RPRD2: variants seen among roughly 807,000 people sequenced by gnomAD.
The protein encoded by RPRD2 is regulation of nuclear pre-mRNA domain containing 2, also known as regulation of nuclear pre-mRNA domain-containing protein 2.
In RPRD2, 12 loss-of-function variants were observed where a neutral mutation model predicts 104.4. The observed-to-expected ratio is 0.11, with a 90% CI of 0.07 to 0.19. RPRD2 has a LOEUF of 0.19. RPRD2 is among the 10% of genes least tolerant of loss of function. The pLI is 1.00. For synonymous variants in RPRD2, 714 were observed against 684.9 expected, an observed-to-expected ratio of 1.04 and a Z score of -0.66; for missense variants, 1,543 against 1,790.1, an observed-to-expected ratio of 0.86 and a Z score of 2.49.
chr1:150,380,419 G>A (rs1376391590), intron 1 of RPRD2, among the ~76,000 whole-genome samples: 1 of 151,522 alleles, frequency 6.6e-6, no homozygotes, highest in Non-Finnish European at 1.5e-5. Flanking sequence ...TTTCCTCCTG[G>A]GTTCAAGCGA....
intron 7 of RPRD2, among the ~76,000 whole-genome samples, chr1:150,446,826 C>T (rs1467889122): frequency 2.2e-5 from 3 of 138,214 alleles, no homozygotes; most frequent in Non-Finnish European, 3.1e-5. Flanking sequence ...TAGAATAAGA[C>T]CTGGGTCTTT....
chr1:150,469,712 AGCCT>A (rs1668488701), intron 10 of RPRD2, among the ~76,000 whole-genome samples: 1 of 152,178 alleles, frequency 6.6e-6, no homozygotes, highest in South Asian at 2.1e-4. Context: ...GTTGAACTTC[AGCCT>A]TTGCCCCAAA....
At chr1:150,382,569 T>G (rs1661217428) in intron 1 of RPRD2, among the ~76,000 whole-genome samples, 1 of 152,116 alleles carries the variant, frequency 6.6e-6, no homozygotes, top group Non-Finnish European at 1.5e-5. Context: ...ATGTTGGCCA[T>G]GTTGGTCTTG....
chr1:150,432,378 C>T (rs956014780), intron 2 of RPRD2, among the ~76,000 whole-genome samples: 2 of 151,870 alleles, frequency 1.3e-5, no homozygotes, highest in African/African-American at 4.8e-5. Context: ...GTTATTGGTA[C>T]AGAGTACTGT....
At chr1:150,430,567 G>A (rs1178263220) in intron 2 of RPRD2, among the ~76,000 whole-genome samples, 1 of 152,194 alleles carries the variant, frequency 6.6e-6, no homozygotes, top group Non-Finnish European at 1.5e-5. Flanking sequence ...TCAGGAGGCT[G>A]AGGCGGGAGG....
intron 1 of RPRD2, among the ~76,000 whole-genome samples, chr1:150,415,345 ATAAT>A (rs1553888373): frequency 2.0e-5 from 3 of 151,450 alleles, no homozygotes; most frequent in Admixed American, 6.6e-5. Flanking sequence ...AATAATAATA[ATAAT>A]TAATAAGTAA....
At chr1:150,424,823 A>G (rs1665005700) in intron 2 of RPRD2, among the ~76,000 whole-genome samples, 2 of 152,100 alleles carry the variant, frequency 1.3e-5, no homozygotes, top group South Asian at 4.2e-4. Flanking sequence ...TTTCTTAGTC[A>G]TTTACCAGGG....
rs375366241 is a variant in RPRD2 at position 150,471,287 on chromosome 1, G to A, written c.2339G>A (p.Arg780Gln). ...PPPGRDESYP[R>Q]ELSNSVSTYR... is the part of the protein sequence containing the mutation. ...CCTGGGAGAGATGAAAGCTACCCCC[G>A]AGAGCTCTCCAATTCTGTATCTACA... Residue 780 changes from arginine (R) to glutamine (Q), a missense_variant, in exon 11 of 11, where the codon CGA (arginine) becomes CAA (glutamine). By Grantham distance (43) the Arg-to-Gln change is conservative (BLOSUM62 1). Around this residue, in one of 4 missense-constraint regions of RPRD2, gnomAD observed 880 missense variants for 885.6 expected, o/e 0.99. Transcript: ENST00000369068. The surrounding 1 kb of genome is among the most constrained non-coding windows in gnomAD (Gnocchi z 5.3). 178 of 1,613,572 alleles carry A rather than the reference G, an allele frequency of 1.1e-4. No individual in the cohort carries two copies. Among genetic ancestry groups the A allele is most frequent in the Non-Finnish European group, 1.4e-4 (167 of 1,179,848 alleles).
chr1:150,473,248 C>A lies in RPRD2; in HGVS notation c.4300C>A (p.His1434Asn), dbSNP rs755664607. ...ACCTTTTCTCAGCAGAGACCCATTTCACAGTTTAAAGAGACCCAGGCCACC... is the reference window on the plus strand; with the variant it reads ...ACCTTTTCTCAGCAGAGACCCATTTAACAGTTTAAAGAGACCCAGGCCACC... The part of the protein sequence containing the change: ...REPFLSRDPF[H>N]SLKRPRPPFA... The change falls in exon 11 of 11, where the codon CAC becomes AAC. Residue 1434 changes from histidine to asparagine, a missense_variant. His to Asn is a moderately conservative substitution (Grantham distance 68). Around this residue, in one of 4 missense-constraint regions of RPRD2, gnomAD observed 880 missense variants for 885.6 expected, o/e 0.99. Transcript: ENST00000369068. 5.6e-6 allele frequency: 9 copies of A among 1,613,840 alleles called. No individual in the cohort carries two copies. The highest frequency in any genetic ancestry group is 1.6e-4 in the Middle Eastern group (1 of 6,076).
intron 1 of RPRD2, among the ~76,000 whole-genome samples, chr1:150,376,731 A>G (rs1401734087): frequency 1.3e-5 from 2 of 150,516 alleles, no homozygotes; most frequent in Non-Finnish European, 1.5e-5. Context: ...CGATCTCCTG[A>G]CCTCGTGATC....
chr1:150,393,518 G>GTA (rs1466629680), intron 1 of RPRD2, among the ~76,000 whole-genome samples: 1 of 149,854 alleles, frequency 6.7e-6, no homozygotes, highest in Admixed American at 6.7e-5. Flanking sequence ...TTGAGGAGCA[G>GTA]TATATAGTAT....
At chr1:150,421,599 G>A (rs984305657) in intron 2 of RPRD2, among the ~76,000 whole-genome samples, 1 of 152,078 alleles carries the variant, frequency 6.6e-6, no homozygotes, top group African/African-American at 2.4e-5. Flanking sequence ...AGGAATAGAA[G>A]ATTGTATTAG....
chr1:150,382,464 C>T (rs1170193035), intron 1 of RPRD2, among the ~76,000 whole-genome samples: 4 of 152,112 alleles, frequency 2.6e-5, no homozygotes, highest in East Asian at 1.9e-4. Context: ...CTCTGCCTCC[C>T]GGATTCAAGT....
rs1468509549 is a variant in RPRD2, at chr1:150,364,391, G to A, written c.-324G>A. 3.3e-5 allele frequency among the ~76,000 whole-genome samples: 5 copies of A among 152,092 alleles called. No homozygotes were observed. The highest frequency in any genetic ancestry group is 1.2e-4 in the African/African-American group (5 of 41,404). On this transcript the variant is annotated 5_prime_UTR_variant, in exon 1 of 11. Transcript: ENST00000369068. Reference sequence around the variant, plus strand: ...AAAACGATTAGTTTCGGCGTCAGGCGTTTTGAAAGGCTTTGCAGGTCCTGT... The same window carrying A: ...AAAACGATTAGTTTCGGCGTCAGGCATTTTGAAAGGCTTTGCAGGTCCTGT...
rs587687866 is a variant in RPRD2, at chr1:150,424,287, A to AT, written c.335+6572dup. Among the ~76,000 whole-genome samples the AT allele has an allele frequency of 3.1e-4, 46 of 148,498 alleles. No individual in the cohort carries two copies. In the South Asian group the frequency reaches 3.6e-3, roughly 12 times the overall value. ...AAGCAGATTGGATTTTATTATTTCT[A>AT]TTTTTTTTTTCTTTTTATTTGAGAT... On this transcript the variant is annotated intron_variant, in intron 2 of 10. Transcript: ENST00000369068.
intron 1 of RPRD2, among the ~76,000 whole-genome samples, chr1:150,388,452 A>ATGTG (rs1661798752): frequency 1.3e-5 from 2 of 149,684 alleles, no homozygotes; most frequent in Admixed American, 6.8e-5. Flanking sequence ...ACACACATAT[A>ATGTG]TATGTATATG....
rs1339632124 is a variant in RPRD2, at chr1:150,450,644, C to T, written c.870+4243C>T. On this transcript the variant is annotated intron_variant, in intron 7 of 10. Coordinates refer to ENST00000369068, the MANE Select transcript of RPRD2 (RefSeq NM_015203.5). Reference sequence around the variant, plus strand: ...AAAAAAAAAGTTATTTATTTAGAGACGAGTCTCACTGTGTCACCCAGGCTA... The same window carrying T: ...AAAAAAAAAGTTATTTATTTAGAGATGAGTCTCACTGTGTCACCCAGGCTA... Among the ~76,000 whole-genome samples the T allele has an allele frequency of 1.4e-4, 21 of 146,238 alleles. No homozygotes were observed. The Admixed American group carries it at 1.4e-3, about 10-fold the overall frequency.
At chr1:150,421,103 C>G (rs1485396185) in intron 2 of RPRD2, among the ~76,000 whole-genome samples, 1 of 152,178 alleles carries the variant, frequency 6.6e-6, no homozygotes, top group African/African-American at 2.4e-5. Context: ...GTCTGAGGTT[C>G]ATAATTTGCC....
chr1:150,419,809 A>G (rs1304404477), intron 2 of RPRD2, among the ~76,000 whole-genome samples: 2 of 152,098 alleles, frequency 1.3e-5, no homozygotes, highest in African/African-American at 2.4e-5. Flanking sequence ...TTGTATTTTT[A>G]GTAGAGACGG....
Sources: allele counts gnomAD v4.1 joint callset (sites outside exome capture counted in the v4.1 genomes callset), GRCh38; gene constraint gnomAD v4.1.1; regional missense constraint gnomAD v4.1.1; non-coding constraint Gnocchi (gnomAD v3.1); transcripts MANE v1.5; gene names NCBI Gene and HGNC (gene_info 2026-07-23, HGNC 2026-07-21).